NXPE2: variants seen among roughly 807,000 people sequenced by gnomAD.
NXPE2 encodes the protein NXPE family member 2.
Under a neutral mutation model 34.4 loss-of-function variants are expected in NXPE2, and 34 were observed. The observed-to-expected ratio is 0.99, with a 90% CI of 0.75 to 1.31. NXPE2 has a LOEUF of 1.31. Ranked by LOEUF, NXPE2 falls within the 40% of genes most tolerant of loss-of-function variation. The pLI is 0.00. For synonymous variants in NXPE2, 235 were observed against 231.3 expected, an observed-to-expected ratio of 1.02 and a Z score of -0.15; for missense variants, 649 against 672.5, an observed-to-expected ratio of 0.97 and a Z score of 0.39.
At chr11:114,560,981 C>T in the NXPE2 span, among the ~76,000 whole-genome samples, 1 of 152,134 alleles carries the variant, frequency 6.6e-6, no homozygotes. Flanking sequence ...TAATATTTTA[C>T]TGACTACATA....
At chr11:114,793,998 G>A in the NXPE2 span, among the ~76,000 whole-genome samples, 2 of 152,046 alleles carry the variant, frequency 1.3e-5, no homozygotes, top group Admixed American at 6.5e-5. Context: ...CCTACACATA[G>A]TCTCATCATT....
chr11:114,761,926 T>C, the NXPE2 span, among the ~76,000 whole-genome samples: 1 of 152,200 alleles, frequency 6.6e-6, no homozygotes, highest in Non-Finnish European at 1.5e-5. Context: ...AACTGATTTA[T>C]TAAGTTTTTA....
the NXPE2 span, among the ~76,000 whole-genome samples, chr11:114,788,056 T>C: frequency 4.6e-5 from 7 of 152,134 alleles, no homozygotes; most frequent in African/African-American, 1.7e-4. Flanking sequence ...ATAAAGACCT[T>C]GGAAGTGGGA....
the NXPE2 span, chr11:114,583,760 G>T: frequency 4.2e-6 from 2 of 478,680 alleles, no homozygotes; most frequent in African/African-American, 2.0e-5. Flanking sequence ...TCACCAGAGG[G>T]TGTTGTATGT....
At chr11:114,761,134 G>A in the NXPE2 span, among the ~76,000 whole-genome samples, 1 of 152,184 alleles carries the variant, frequency 6.6e-6, no homozygotes, top group South Asian at 2.1e-4. Flanking sequence ...CTGCAAATGT[G>A]CTTTATTATC....
Position 114,698,359 on chromosome 11 carries a change from C to T in NXPE2, c.447C>T (p.Phe149=), listed in dbSNP as rs1166557390. ...LGHRKQYGGD[F]LRARMYSTAL... is the part of the protein sequence containing the mutation. Reference sequence around the variant, plus strand: ...ACAGGAAGCAATATGGTGGGGATTTCCTGAGGGCCAGGATGTACTCCACAG... The same window carrying T: ...ACAGGAAGCAATATGGTGGGGATTTTCTGAGGGCCAGGATGTACTCCACAG... Residue 149 remains phenylalanine (F), a synonymous_variant, in exon 3 of 6, where the codon TTC becomes TTT. Coordinates refer to ENST00000389586, the MANE Select transcript of NXPE2 (RefSeq NM_182495.6). The T allele has an allele frequency of 6.2e-7, 1 of 1,613,984 alleles. No homozygotes were observed. Among genetic ancestry groups the T allele is most frequent in the South Asian group, 1.1e-5 (1 of 91,036 alleles).
the NXPE2 span, among the ~76,000 whole-genome samples, chr11:114,798,274 G>C: frequency 6.6e-6 from 1 of 152,242 alleles, no homozygotes; most frequent in Non-Finnish European, 1.5e-5. Flanking sequence ...ACAGTTACCT[G>C]AATTGCAGCT....
chr11:114,503,964 G>T, the NXPE2 span, among the ~76,000 whole-genome samples: 2 of 152,192 alleles, frequency 1.3e-5, no homozygotes, highest in Non-Finnish European at 2.9e-5. Flanking sequence ...GTCTTGGGGG[G>T]CTCTGGAGGC....
At chr11:114,801,428 G>A in the NXPE2 span, among the ~76,000 whole-genome samples, 1 of 152,308 alleles carries the variant, frequency 6.6e-6, no homozygotes, top group Non-Finnish European at 1.5e-5. Context: ...AAGATGAGTT[G>A]GAGAGATGGA....
chr11:114,588,202 G>A, the NXPE2 span, among the ~76,000 whole-genome samples: 3 of 152,050 alleles, frequency 2.0e-5, no homozygotes, highest in African/African-American at 7.2e-5. Flanking sequence ...GCCCCCTCCA[G>A]CTGTGCCATC....
the NXPE2 span, among the ~76,000 whole-genome samples, chr11:114,598,081 A>G: frequency 6.6e-6 from 1 of 152,180 alleles, no homozygotes; most frequent in Non-Finnish European, 1.5e-5. Context: ...CATTGGGTAA[A>G]TGTAAAAAAA....
At chr11:114,721,905 T>A in the NXPE2 span, among the ~76,000 whole-genome samples, 2 of 151,814 alleles carry the variant, frequency 1.3e-5, no homozygotes, top group African/African-American at 4.8e-5. Context: ...GGAATGTAAG[T>A]GGAAAAGAGA....
the NXPE2 span, among the ~76,000 whole-genome samples, chr11:114,630,757 T>G: frequency 6.6e-6 from 1 of 151,478 alleles, no homozygotes; most frequent in Non-Finnish European, 1.5e-5. Flanking sequence ...TGGGAGAAAA[T>G]CTTCGCAACC....
At chr11:114,625,955 G>C in the NXPE2 span, among the ~76,000 whole-genome samples, 3 of 152,064 alleles carry the variant, frequency 2.0e-5, no homozygotes, top group East Asian at 5.8e-4. Context: ...CCCGAATACT[G>C]CACTTTTCCG....
the NXPE2 span, among the ~76,000 whole-genome samples, chr11:114,804,377 G>A: frequency 1.3e-5 from 2 of 152,190 alleles, no homozygotes; most frequent in Non-Finnish European, 2.9e-5. Flanking sequence ...TCTATGGTCT[G>A]CAGTCTTATC....
At chr11:114,695,513 A>T (rs568139075) in intron 2 of NXPE2, among the ~76,000 whole-genome samples, 12 of 152,294 alleles carry the variant, frequency 7.9e-5, no homozygotes, top group Non-Finnish European at 1.8e-4. Context: ...GTTAGGCTCT[A>T]GTAACCTAGT....
the NXPE2 span, among the ~76,000 whole-genome samples, chr11:114,620,699 G>A: frequency 6.6e-6 from 1 of 152,020 alleles, no homozygotes; most frequent in African/African-American, 2.4e-5. Context: ...CTGTTACCTG[G>A]TGGATAATAA....
chr11:114,648,728 A>G, the NXPE2 span, among the ~76,000 whole-genome samples: 271 of 152,330 alleles, frequency 1.8e-3, 2 homozygotes, highest in Middle Eastern at 0.01. Context: ...TGATACAACT[A>G]TCCCGCATAC....
chr11:114,606,288 TA>T, the NXPE2 span, among the ~76,000 whole-genome samples: 24,617 of 151,644 alleles, frequency 0.16, 2,167 homozygotes, highest in South Asian at 0.21. Flanking sequence ...TGGTGGATAA[TA>T]AATGTTGCCT....
Sources: allele counts gnomAD v4.1 joint callset (sites outside exome capture counted in the v4.1 genomes callset), GRCh38; gene constraint gnomAD v4.1.1; transcripts MANE v1.5; gene names NCBI Gene and HGNC (gene_info 2026-07-23, HGNC 2026-07-21).